Variants in OR1D2 observed in about 807,000 individuals in gnomAD.
OR1D2 encodes olfactory receptor family 1 subfamily D member 2.
For missense variants in OR1D2, 357 were observed against 376.1 expected, an observed-to-expected ratio of 0.95 and a Z score of 0.42; for synonymous variants, 157 against 153.9, an observed-to-expected ratio of 1.02 and a Z score of -0.15.
Position 3,091,982 on chromosome 17 carries a change from A to C in OR1D2, c.*76T>G. ...GCCATGTCCCAATCACTGCTGTATA[A>C]CACACAGGACAATCCCTTACATAGG... On this transcript the variant is annotated 3_prime_UTR_variant, in exon 2 of 2. Transcript: ENST00000641833. 9.1e-7 allele frequency: 1 copy of C among 1,100,980 alleles called. No homozygotes were observed. Among genetic ancestry groups the C allele is most frequent in the Non-Finnish European group, 1.3e-6 (1 of 749,604 alleles). 68.2% of individuals were successfully genotyped at this position (1,100,980 alleles called of 1,614,324 possible).
intron 1 of OR1D2, among the ~76,000 whole-genome samples, chr17:3,099,411 A>G (rs962876163): frequency 1.3e-5 from 2 of 152,204 alleles, no homozygotes; most frequent in African/African-American, 4.8e-5. Flanking sequence ...CCAGAATTTC[A>G]TATCCTGCCA....
rs553708140 is a variant in OR1D2 at position 3,099,864 on chromosome 17, A to G, written c.-51+4235T>C. 1.1e-4 allele frequency among the ~76,000 whole-genome samples: 16 copies of G among 152,294 alleles called. No homozygotes were observed. In the South Asian group the frequency reaches 3.3e-3, roughly 32 times the overall value. On this transcript the variant is annotated intron_variant, in intron 1 of 1. Coordinates refer to ENST00000641833, the MANE Select transcript of OR1D2 (RefSeq NM_002548.3). Reference sequence around the variant, plus strand: ...CAGATGGAAAGCAAAAAAATAAAAAATAAAGCAGGCGTTGCAATCCTAGTC... The same window carrying G: ...CAGATGGAAAGCAAAAAAATAAAAAGTAAAGCAGGCGTTGCAATCCTAGTC...
chr17:3,100,748 A>C (rs1049822696), intron 1 of OR1D2, among the ~76,000 whole-genome samples: 2 of 152,188 alleles, frequency 1.3e-5, no homozygotes, highest in Non-Finnish European at 2.9e-5. Flanking sequence ...GTTTTTTGAA[A>C]AAATTAACAA....
Position 3,092,174 on chromosome 17 carries a change from C to G in OR1D2, c.823G>C (p.Val275Leu). 6.2e-7 allele frequency: 1 copy of G among 1,614,180 alleles called. No homozygotes were observed. Among genetic ancestry groups the G allele is most frequent in the Non-Finnish European group, 8.5e-7 (1 of 1,180,022 alleles). Residue 275 changes from valine (V) to leucine (L), a missense_variant, in exon 2 of 2, where the codon GTG (valine) becomes CTG (leucine). Coordinates refer to ENST00000641833, the MANE Select transcript of OR1D2 (RefSeq NM_002548.3). ...ATGGGTGTCACCACAGCATACATCA[C>G]TGTGGCTACTGAGTCCTTCACAGAG... ...TYSVKDSVAT[V>L]MYAVVTPMMN...
intron 1 of OR1D2, among the ~76,000 whole-genome samples, chr17:3,102,422 T>G (rs191003814): frequency 8.5e-4 from 130 of 152,334 alleles, no homozygotes; most frequent in African/African-American, 2.8e-3. Flanking sequence ...ATTCAAGCAT[T>G]TTTTGAACAA....
In OR1D2 at chr17:3,092,021, C is replaced by T. The variant is rs1347402914; in HGVS notation, c.*37G>A. ...CCCTTACATAGGGTGAAGGATATTC[C>T]TAGTCTCCACTTTAATGCTGTCTTT... On this transcript the variant is annotated 3_prime_UTR_variant, in exon 2 of 2. Transcript: ENST00000641833. 2.7e-6 allele frequency: 4 copies of T among 1,471,576 alleles called. No homozygotes were observed. The highest frequency in any genetic ancestry group is 4.5e-5 in the East Asian group (2 of 44,258). 91.2% of individuals were successfully genotyped at this position (1,471,576 alleles called of 1,614,324 possible).
At chr17:3,102,710 G>T (rs549350444) in intron 1 of OR1D2, among the ~76,000 whole-genome samples, 1 of 152,222 alleles carries the variant, frequency 6.6e-6, no homozygotes, top group South Asian at 2.1e-4. Flanking sequence ...ACCTCCCCCG[G>T]GGTCAGGAGA....
chr17:3,095,045 A>G (rs1447163762), intron 1 of OR1D2, among the ~76,000 whole-genome samples: 1 of 152,162 alleles, frequency 6.6e-6, no homozygotes, highest in African/African-American at 2.4e-5. Context: ...ATACCAGCAC[A>G]CATGGAATGC....
chr17:3,099,319 G>A (rs1282523806), intron 1 of OR1D2, among the ~76,000 whole-genome samples: 1 of 152,194 alleles, frequency 6.6e-6, no homozygotes, highest in Non-Finnish European at 1.5e-5. Flanking sequence ...CAGACTAACA[G>A]TGGATCTCTC....
rs1226848681 is a variant in OR1D2 at position 3,088,903 on chromosome 17, A to C, written c.*3155T>G. ...CTCCACCCTTACTTTTTTTTTTTTT[A>C]ATTTAAGTTGAACTTCACCTTTCTC... is the stretch of plus-strand genomic sequence containing the variant. On this transcript the variant is annotated 3_prime_UTR_variant, in exon 2 of 2. Coordinates refer to ENST00000641833, the MANE Select transcript of OR1D2 (RefSeq NM_002548.3). 2 of 140,880 alleles carry C rather than the reference A, an allele frequency of 1.4e-5. No homozygotes were observed. The highest frequency in any genetic ancestry group is 3.1e-5 in the Non-Finnish European group (2 of 65,544). 8.7% of individuals were successfully genotyped at this position (140,880 alleles called of 1,614,324 possible). A position where few individuals can be genotyped will look rare whatever the true frequency, so the allele number is the denominator to read the frequency against.
intron 1 of OR1D2, among the ~76,000 whole-genome samples, chr17:3,101,015 T>C (rs1717726526): frequency 6.6e-6 from 1 of 152,072 alleles, no homozygotes; most frequent in Non-Finnish European, 1.5e-5. Context: ...AGTTCTGAAA[T>C]TGAGGCAGTA....
chr17:3,095,653 ATATC>A (rs1293061466), intron 1 of OR1D2, among the ~76,000 whole-genome samples: 28 of 151,884 alleles, frequency 1.8e-4, no homozygotes, highest in Non-Finnish European at 3.8e-4. Context: ...TATAATCTAT[ATATC>A]TATGTAATAT....
chr17:3,098,434 G>A (rs1434095914), intron 1 of OR1D2, among the ~76,000 whole-genome samples: 3 of 152,114 alleles, frequency 2.0e-5, no homozygotes, highest in African/African-American at 7.2e-5. Context: ...AGGGACCTGA[G>A]CATTGAAAGA....
chr17:3,100,703 A>G (rs1373086957), intron 1 of OR1D2, among the ~76,000 whole-genome samples: 2 of 152,204 alleles, frequency 1.3e-5, no homozygotes, highest in Non-Finnish European at 2.9e-5. Flanking sequence ...GAGACACAAA[A>G]AAACCCTTCA....
chr17:3,092,899 G>A lies in OR1D2; in HGVS notation c.98C>T (p.Ser33Phe). ...TCCCACCACCGTGACCAGGTACATG[G>A]ACAGGAACATCCAAAACAGGATCCG... is the stretch of plus-strand genomic sequence containing the variant. ...QQRILFWMFL[S>F]MYLVTVVGNV... is the part of the protein sequence containing the mutation. The change falls in exon 2 of 2, where the codon TCC becomes TTC. Residue 33 changes from serine to phenylalanine, a missense_variant. By Grantham distance (155) the Ser-to-Phe change is radical. Transcript: ENST00000641833. The A allele has an allele frequency of 1.2e-6, 2 of 1,613,974 alleles. No homozygotes were observed. The highest frequency in any genetic ancestry group is 1.1e-5 in the South Asian group (1 of 91,058).
chr17:3,099,919 G>C (rs954178671), intron 1 of OR1D2, among the ~76,000 whole-genome samples: 24 of 151,962 alleles, frequency 1.6e-4, no homozygotes, highest in African/African-American at 5.6e-4. Context: ...AACCAACAAA[G>C]ATAAAAAAAG....
At chr17:3,099,202 G>T (rs1477203579) in intron 1 of OR1D2, among the ~76,000 whole-genome samples, 1 of 152,082 alleles carries the variant, frequency 6.6e-6, no homozygotes, top group Non-Finnish European at 1.5e-5. Flanking sequence ...TCCATGAGAA[G>T]ATCAACCCCA....
At chr17:3,099,560 G>C (rs1000827403) in intron 1 of OR1D2, among the ~76,000 whole-genome samples, 3 of 152,100 alleles carry the variant, frequency 2.0e-5, no homozygotes, top group African/African-American at 7.2e-5. Context: ...TGGTACCAGC[G>C]ACTGCAAACA....
rs1461595371 is a variant in OR1D2 at position 3,095,797 on chromosome 17, T to A, written c.-50-2751A>T. ...TCGTTGAGGCCATAGCATATAGAAA[T>A]ATATGTATAACATGTTTGTCGATTA... is the stretch of plus-strand genomic sequence containing the variant. On this transcript the variant is annotated intron_variant, in intron 1 of 1. Coordinates refer to ENST00000641833, the MANE Select transcript of OR1D2 (RefSeq NM_002548.3). Among the ~76,000 whole-genome samples, 7 of 152,110 alleles carry A rather than the reference T, an allele frequency of 4.6e-5. No homozygotes were observed. In the East Asian group the frequency reaches 1.4e-3, roughly 29 times the overall value.
Sources: allele counts gnomAD v4.1 joint callset (sites outside exome capture counted in the v4.1 genomes callset), GRCh38; gene constraint gnomAD v4.1.1; transcripts MANE v1.5; gene names NCBI Gene and HGNC (gene_info 2026-07-23, HGNC 2026-07-21).